The following SMYD3 variants were observed in gnomAD, a reference collection of about 807,000 sequenced individuals.
SMYD3 encodes the protein histone-lysine N-methyltransferase SMYD3.
Under a neutral mutation model 57.7 loss-of-function variants are expected in SMYD3, and 36 were observed. That is an observed-to-expected ratio of 0.62 (90% CI 0.48 to 0.82). The LOEUF (loss-of-function observed/expected upper bound fraction) is 0.82, where lower values mean the gene tolerates loss of function less well. Ranked by LOEUF, SMYD3 falls within the 40% of genes least tolerant of loss-of-function variation. The pLI, the probability that SMYD3 is intolerant of heterozygous loss-of-function variation, is 0.00. For missense variants in SMYD3, 515 were observed against 538.8 expected, an observed-to-expected ratio of 0.96 and a Z score of 0.44; for synonymous variants, 211 against 195.0, an observed-to-expected ratio of 1.08 and a Z score of -0.68.
chr1:246,111,132 C>T (rs1323520311), intron 5 of SMYD3, among the ~76,000 whole-genome samples: 3 of 151,968 alleles, frequency 2.0e-5, no homozygotes, highest in Non-Finnish European at 2.9e-5. Context: ...AGAAACATGC[C>T]GTGGGCTTTC....
At chr1:246,100,266 T>C (rs1005313300) in intron 5 of SMYD3, among the ~76,000 whole-genome samples, 3 of 152,250 alleles carry the variant, frequency 2.0e-5, no homozygotes, top group African/African-American at 4.8e-5. Context: ...ACTCTCTAAA[T>C]AGACTGCAGA....
At chr1:246,188,921 C>T (rs1322468131) in intron 5 of SMYD3, 1 of 151,068 alleles carries the variant, frequency 6.6e-6, no homozygotes, top group Non-Finnish European at 1.5e-5. Flanking sequence ...GATCGCACCA[C>T]TGCACTCCAG....
chr1:246,231,360 T>C (rs1195373429), intron 5 of SMYD3, among the ~76,000 whole-genome samples: 4 of 152,302 alleles, frequency 2.6e-5, no homozygotes, highest in East Asian at 3.9e-4. Flanking sequence ...GCATCAGCAA[T>C]AGATCTATTT....
chr1:246,255,967 T>TAGATAGATAGAC, intron 5 of SMYD3, among the ~76,000 whole-genome samples: 1 of 151,258 alleles, frequency 6.6e-6, no homozygotes, highest in Non-Finnish European at 1.5e-5. Flanking sequence ...GATAGATAGA[T>TAGATAGATAGAC]AGATAGATAG....
chr1:245,887,405 T>G (rs766763362), intron 8 of SMYD3, among the ~76,000 whole-genome samples: 1 of 152,162 alleles, frequency 6.6e-6, no homozygotes. Flanking sequence ...CCGCAGCCCT[T>G]GGGGCTGCTG....
At chr1:246,356,091 G>A (rs74862271) in intron 1 of SMYD3, among the ~76,000 whole-genome samples, 6,394 of 151,818 alleles carry the variant, frequency 0.042, 175 homozygotes, top group Non-Finnish European at 0.056. Context: ...TCCACTTCAC[G>A]CCCCTGCTAC....
rs538727044 is a variant in SMYD3 at position 246,182,105 on chromosome 1, AAG to A, written c.531+145094_531+145095del. ...CTGCCAAATTAATCTAATTTTTAAA[AAG>A]AGAGACCAAGTAAAACCTCACCACT... On this transcript the variant is annotated intron_variant, in intron 5 of 11. Transcript: ENST00000490107. Among the ~76,000 whole-genome samples the A allele has an allele frequency of 1.1e-4, 17 of 152,354 alleles. No individual in the cohort carries two copies. The East Asian group carries it at 3.1e-3, about 28-fold the overall frequency.
chr1:246,230,183 C>T (rs540507237), intron 5 of SMYD3, among the ~76,000 whole-genome samples: 6 of 152,290 alleles, frequency 3.9e-5, no homozygotes, highest in Admixed American at 1.3e-4. Flanking sequence ...TTCTGAACTA[C>T]ATGCTATTCT....
chr1:246,038,099 C>G (rs1316600975), intron 5 of SMYD3, among the ~76,000 whole-genome samples: 2 of 152,184 alleles, frequency 1.3e-5, no homozygotes, highest in Non-Finnish European at 2.9e-5. Context: ...TAGTTCCCAA[C>G]CCCAGCATTA....
At chr1:246,323,325 T>C (rs1240691693) in intron 5 of SMYD3, among the ~76,000 whole-genome samples, 1 of 151,984 alleles carries the variant, frequency 6.6e-6, no homozygotes, top group Non-Finnish European at 1.5e-5. Context: ...AGAAGTGGGG[T>C]GAAAAGGAGG....
intron 8 of SMYD3, 90 bp from the exon 9 acceptor site, chr1:245,863,976 T>C: frequency 8.7e-7 from 1 of 1,152,242 alleles, no homozygotes; most frequent in Non-Finnish European, 1.3e-6. Context: ...ACAAATGGCC[T>C]GCAAGCCCCT....
rs767751376 is a variant in SMYD3, at chr1:245,749,533, C to T, written c.*30G>A. On this transcript the variant is annotated 3_prime_UTR_variant, in exon 12 of 12. Transcript: ENST00000490107. Reference sequence around the variant, plus strand: ...CTCAATAAGGCATTCAACAAAGACACACGCCGTATTTCCCTCTGACTGCGT... The same window carrying T: ...CTCAATAAGGCATTCAACAAAGACATACGCCGTATTTCCCTCTGACTGCGT... 2 of 1,547,896 alleles carry T rather than the reference C, an allele frequency of 1.3e-6. No individual in the cohort carries two copies. The highest frequency in any genetic ancestry group is 3.3e-5 in the Admixed American group (2 of 59,922).
At position 246,123,571 on chromosome 1, in the gene SMYD3, A is replaced by AACACACACAC. The variant is rs557543331; in HGVS notation, c.532-193644_532-193635dup. Among the ~76,000 whole-genome samples, 408 of 129,568 alleles carry AACACACACAC rather than the reference A, an allele frequency of 3.1e-3. 3 individuals carry two copies. The highest frequency in any genetic ancestry group is 8.6e-3 in the African/African-American group (295 of 34,394). The allele number at this position is 129,568 out of a possible 152,430, so 85.0% of individuals were successfully genotyped here. On this transcript the variant is annotated intron_variant, in intron 5 of 11. Coordinates refer to ENST00000490107, the MANE Select transcript of SMYD3 (RefSeq NM_001167740.2). ...GAGACAGAGTGAGACTCCATCTCAA[A>AACACACACAC]ACACACACACACACACACACACACA...
At chr1:245,859,715 C>T (rs2051434691) in intron 9 of SMYD3, among the ~76,000 whole-genome samples, 1 of 152,124 alleles carries the variant, frequency 6.6e-6, no homozygotes, top group Non-Finnish European at 1.5e-5. Context: ...TCACCTTCAC[C>T]CAGTGGAGCT....
intron 5 of SMYD3, among the ~76,000 whole-genome samples, chr1:246,210,045 T>C (rs946892583): frequency 1.3e-5 from 2 of 152,114 alleles, no homozygotes; most frequent in Non-Finnish European, 2.9e-5. Flanking sequence ...AATATCAGAA[T>C]CACCTAGAGA....
At chr1:246,064,741 T>A (rs2060311319) in intron 5 of SMYD3, among the ~76,000 whole-genome samples, 1 of 152,236 alleles carries the variant, frequency 6.6e-6, no homozygotes, top group Non-Finnish European at 1.5e-5. Context: ...TCAGCAGGGT[T>A]CCCCTGAGGT....
At position 246,225,321 on chromosome 1, in the gene SMYD3, C is replaced by CAAAAAAA. The variant is rs60915002; in HGVS notation, c.531+101873_531+101879dup. ...GTTATGTGGAAGACTGCTGAAAAGT[C>CAAAAAAA]AAAAAAAAAAAAAAAAAAAAAAAAA... On this transcript the variant is annotated intron_variant, in intron 5 of 11. Coordinates refer to ENST00000490107, the MANE Select transcript of SMYD3 (RefSeq NM_001167740.2). 1.7e-4 allele frequency among the ~76,000 whole-genome samples: 13 copies of CAAAAAAA among 76,302 alleles called. 1 individual carries two copies. The highest frequency in any genetic ancestry group is 2.8e-4 in the African/African-American group (6 of 21,200). The allele number at this position is 76,302 out of a possible 152,430, so 50.1% of individuals were successfully genotyped here. A position where few individuals can be genotyped will look rare whatever the true frequency, so the allele number is the denominator to read the frequency against.
intron 10 of SMYD3, among the ~76,000 whole-genome samples, chr1:245,779,216 G>A (rs1233366471): frequency 6.6e-6 from 1 of 150,802 alleles, no homozygotes; most frequent in Admixed American, 6.6e-5. Context: ...ACAGCTTACA[G>A]AGTGAAATTA....
chr1:246,361,989 G>A (rs2065995386), intron 1 of SMYD3, among the ~76,000 whole-genome samples: 1 of 152,116 alleles, frequency 6.6e-6, no homozygotes, highest in African/African-American at 2.4e-5. Context: ...AATAACGCAT[G>A]GCCCTGGACC....
Sources: gnomAD v4.1 joint callset for allele counts (sites outside exome capture counted in the v4.1 genomes callset) on GRCh38, gnomAD v4.1.1 for gene constraint, MANE v1.5 for transcripts, NCBI Gene and HGNC (gene_info 2026-07-23, HGNC 2026-07-21) for gene names.